Variants in LIN52 observed in about 807,000 individuals in gnomAD.
LIN52 encodes lin-52 DREAM MuvB core complex component, also known as protein lin-52 homolog.
LIN52 carries 4 observed loss-of-function variants against 18.5 expected under a neutral mutation model. The ratio of observed to expected loss-of-function variants is 0.22; its 90% CI spans 0.11 to 0.49. The LOEUF (loss-of-function observed/expected upper bound fraction) is 0.49, where lower values mean the gene tolerates loss of function less well. LIN52 is among the 20% of genes least tolerant of loss of function. The pLI, the probability that LIN52 is intolerant of heterozygous loss-of-function variation, is 0.97. For missense variants in LIN52, 102 were observed against 139.5 expected (o/e 0.73, Z 1.35); for synonymous variants, 34 against 45.5 (o/e 0.75, Z 1.02).
At chr14:74,153,244 T>C (rs898131500) in intron 5 of LIN52, among the ~76,000 whole-genome samples, 1 of 152,110 alleles carries the variant, frequency 6.6e-6, no homozygotes, top group African/African-American at 2.4e-5. Context: ...AATGTCTGGT[T>C]TGAGGATATG....
At position 74,142,142 on chromosome 14, in the gene LIN52, T is replaced by G. The variant is rs373950031; in HGVS notation, c.283+40904T>G. On this transcript the variant is annotated intron_variant, in intron 5 of 5. Transcript: ENST00000555028. ...ATCTGTCTTAATAAGAGAATCTGTA[T>G]GCAAATTGAATGGTAGAAATTCCAC... 7.9e-5 allele frequency among the ~76,000 whole-genome samples: 12 copies of G among 152,338 alleles called. No individual in the cohort carries two copies. In the South Asian group the frequency reaches 2.5e-3, roughly 32 times the overall value.
chr14:74,128,074 T>C (rs140284824), intron 5 of LIN52, among the ~76,000 whole-genome samples: 1 of 152,270 alleles, frequency 6.6e-6, no homozygotes, highest in East Asian at 1.9e-4. Flanking sequence ...ATGGAAAATA[T>C]ATGAAATAAT....
chr14:74,107,028 G>A (rs367896380), intron 5 of LIN52, among the ~76,000 whole-genome samples: 5 of 152,284 alleles, frequency 3.3e-5, no homozygotes, highest in African/African-American at 7.2e-5. Context: ...GACCCTCGCC[G>A]GATTACTCTA....
At chr14:74,187,133 C>G (rs1275881725) in intron 5 of LIN52, among the ~76,000 whole-genome samples, 2 of 152,208 alleles carry the variant, frequency 1.3e-5, no homozygotes, top group South Asian at 2.1e-4. Context: ...CTTATTTAAT[C>G]TCATAAGAGT....
intron 5 of LIN52, among the ~76,000 whole-genome samples, chr14:74,172,000 G>A (rs1237334795): frequency 6.6e-6 from 1 of 152,138 alleles, no homozygotes; most frequent in African/African-American, 2.4e-5. Context: ...GCCTCCCAAA[G>A]TGCTGGGATT....
chr14:74,124,839 G>A (rs1477513116), intron 5 of LIN52, among the ~76,000 whole-genome samples: 1 of 132,024 alleles, frequency 7.6e-6, no homozygotes, highest in Non-Finnish European at 1.6e-5. Flanking sequence ...AAAAAGCTGA[G>A]AGGCTCTTGA....
chr14:74,096,792 G>C (rs1327845202), intron 3 of LIN52, among the ~76,000 whole-genome samples: 2 of 152,038 alleles, frequency 1.3e-5, no homozygotes, highest in Non-Finnish European at 2.9e-5. Flanking sequence ...GGAGTCCCTT[G>C]CTCTACTTTT....
intron 1 of LIN52, among the ~76,000 whole-genome samples, chr14:74,086,415 G>A (rs1351310868): frequency 6.6e-6 from 1 of 152,120 alleles, no homozygotes; most frequent in Non-Finnish European, 1.5e-5. Flanking sequence ...CACTTTGGGA[G>A]GCTGAGGCAG....
In LIN52 at chr14:74,192,563, C is replaced by T. The variant is rs1166454437; in HGVS notation, c.284-6359C>T. ...TTGGCCTCCCAAAGTGCTGGGATTA[C>T]AGGCATGAGCCACCATGCCCAGCCA... On this transcript the variant is annotated intron_variant, in intron 5 of 5. Transcript: ENST00000555028. 8 of 188,264 alleles carry T rather than the reference C, an allele frequency of 4.2e-5. No homozygotes were observed. In the East Asian group the frequency reaches 8.5e-4, roughly 20 times the overall value. The allele number at this position is 188,264 out of a possible 1,614,324, so 11.7% of individuals were successfully genotyped here. A position where few individuals can be genotyped will look rare whatever the true frequency, so the allele number is the denominator to read the frequency against.
At chr14:74,148,362 G>C (rs149652713) in intron 5 of LIN52, among the ~76,000 whole-genome samples, 1 of 152,190 alleles carries the variant, frequency 6.6e-6, no homozygotes, top group African/African-American at 2.4e-5. Context: ...GCTAGACCCT[G>C]GGTGTCAAAA....
chr14:74,186,223 C>T (rs551638888), intron 5 of LIN52, among the ~76,000 whole-genome samples: 1 of 151,694 alleles, frequency 6.6e-6, no homozygotes, highest in South Asian at 2.1e-4. Flanking sequence ...ACCCAGGAGG[C>T]GGAGGCTGCA....
intron 2 of LIN52, among the ~76,000 whole-genome samples, chr14:74,093,811 CA>C (rs1222202350): frequency 6.6e-6 from 1 of 151,902 alleles, no homozygotes; most frequent in Non-Finnish European, 1.5e-5. Flanking sequence ...ACTAAAAATA[CA>C]AAAAATTAGC....
chr14:74,181,207 A>G (rs183353441), intron 5 of LIN52, among the ~76,000 whole-genome samples: 45 of 151,998 alleles, frequency 3.0e-4, no homozygotes, highest in Non-Finnish European at 5.9e-4. Context: ...TTGGAAGGAC[A>G]GAGTGAGAGG....
At chr14:74,127,786 A>C (rs1433072627) in intron 5 of LIN52, among the ~76,000 whole-genome samples, 3 of 152,034 alleles carry the variant, frequency 2.0e-5, no homozygotes, top group African/African-American at 7.2e-5. Context: ...TATGTTGCCC[A>C]GGCTGATCTT....
At chr14:74,198,771 CCT>C (rs1415153475) in intron 5 of LIN52, 149 bp from the exon 6 acceptor site, 3 of 633,898 alleles carry the variant, frequency 4.7e-6, no homozygotes, top group African/African-American at 1.8e-5. Context: ...GTTTTTACCC[CCT>C]TTTAGGTTAG....
chr14:74,127,959 A>G (rs547385120), intron 5 of LIN52, among the ~76,000 whole-genome samples: 1 of 152,174 alleles, frequency 6.6e-6, no homozygotes, highest in African/African-American at 2.4e-5. Context: ...TCTCTTGAGC[A>G]TGTAAGTCAG....
intron 5 of LIN52, among the ~76,000 whole-genome samples, chr14:74,149,348 A>G (rs993208423): frequency 1.3e-5 from 2 of 152,216 alleles, no homozygotes; most frequent in African/African-American, 2.4e-5. Context: ...TAACTCTACA[A>G]AACGATTAGA....
At chr14:74,116,818 T>A (rs1259027081) in intron 5 of LIN52, among the ~76,000 whole-genome samples, 1 of 151,346 alleles carries the variant, frequency 6.6e-6, no homozygotes. Context: ...AACATACAAT[T>A]TTACAGCAGG....
At chr14:74,111,000 A>G (rs1176769889) in intron 5 of LIN52, among the ~76,000 whole-genome samples, 1 of 152,204 alleles carries the variant, frequency 6.6e-6, no homozygotes, top group Non-Finnish European at 1.5e-5. Context: ...TCTCCATTCA[A>G]AACTTAATAC....
Sources: allele counts gnomAD v4.1 joint callset (sites outside exome capture counted in the v4.1 genomes callset), GRCh38; gene constraint gnomAD v4.1.1; transcripts MANE v1.5; gene names NCBI Gene and HGNC (gene_info 2026-07-23, HGNC 2026-07-21).